EYS: variants seen among roughly 807,000 people sequenced by gnomAD.
EYS encodes EGF-like photoreceptor maintenance factor.
EYS carries 250 observed loss-of-function variants against 282.1 expected under a neutral mutation model. That is an observed-to-expected ratio of 0.89 (90% CI 0.80 to 0.98). The LOEUF (loss-of-function observed/expected upper bound fraction) is 0.98, where lower values mean the gene tolerates loss of function less well. EYS is among the 50% of genes least tolerant of loss of function. EYS has a pLI of 0.00. For synonymous variants in EYS, 1,355 were observed against 1,282.9 expected (o/e 1.06, Z -1.20); for missense variants, 4,016 against 3,709.0 (o/e 1.08, Z -2.15).
At chr6:64,225,900 A>T (rs1244839669) in intron 31 of EYS, among the ~76,000 whole-genome samples, 5 of 152,088 alleles carry the variant, frequency 3.3e-5, no homozygotes, top group African/African-American at 1.2e-4. Context: ...ATTCCCATTT[A>T]TTTTCAATTT....
chr6:64,829,983 C>T (rs911907681), intron 19 of EYS, among the ~76,000 whole-genome samples: 1 of 151,950 alleles, frequency 6.6e-6, no homozygotes, highest in African/African-American at 2.4e-5. Context: ...AAGAAACTAT[C>T]AGTCAAGGAA....
intron 26 of EYS, among the ~76,000 whole-genome samples, chr6:64,487,091 C>A (rs556226499): frequency 6.6e-6 from 1 of 151,134 alleles, no homozygotes; most frequent in African/African-American, 2.4e-5. Context: ...AACATTGGCT[C>A]ATTAAAAAAA....
intron 22 of EYS, among the ~76,000 whole-genome samples, chr6:64,809,166 G>A (rs898361749): frequency 1.3e-5 from 2 of 151,898 alleles, no homozygotes; most frequent in African/African-American, 4.8e-5. Context: ...GCTATATCTG[G>A]GTAACAACCA....
At chr6:64,460,064 C>T (rs573783281) in intron 26 of EYS, among the ~76,000 whole-genome samples, 2 of 152,130 alleles carry the variant, frequency 1.3e-5, no homozygotes, top group East Asian at 1.9e-4. Flanking sequence ...TGTTTCAATG[C>T]CAGGTCCCTA....
intron 33 of EYS, among the ~76,000 whole-genome samples, chr6:64,020,491 A>C (rs1485834535): frequency 7.2e-5 from 11 of 152,220 alleles, no homozygotes; most frequent in Admixed American, 7.2e-4. Flanking sequence ...AGTATAAGGT[A>C]GATTATGTTC....
chr6:65,573,493 T>G (rs1011330406), intron 2 of EYS, among the ~76,000 whole-genome samples: 5 of 152,138 alleles, frequency 3.3e-5, no homozygotes, highest in Admixed American at 2.0e-4. Flanking sequence ...AAGAATTGGC[T>G]GCTGTTCAGT....
At chr6:64,125,455 T>C (rs1180662798) in intron 31 of EYS, among the ~76,000 whole-genome samples, 3 of 151,442 alleles carry the variant, frequency 2.0e-5, no homozygotes, top group Non-Finnish European at 4.4e-5. Context: ...TTGTAAGGCA[T>C]GAAGGGAAGT....
chr6:65,424,395 T>A (rs1263692905), intron 5 of EYS, among the ~76,000 whole-genome samples: 5 of 152,070 alleles, frequency 3.3e-5, no homozygotes, highest in Non-Finnish European at 7.4e-5. Flanking sequence ...ATTTATCCTA[T>A]GTCCTTCACT....
intron 33 of EYS, among the ~76,000 whole-genome samples, chr6:64,033,505 T>A (rs1010098533): frequency 6.6e-6 from 1 of 152,146 alleles, no homozygotes; most frequent in Non-Finnish European, 1.5e-5. Flanking sequence ...AAGCACGCAA[T>A]AGTAACTATA....
intron 27 of EYS, among the ~76,000 whole-genome samples, chr6:64,437,809 A>G (rs974980489): frequency 5.3e-5 from 8 of 150,508 alleles, no homozygotes; most frequent in African/African-American, 1.9e-4. Flanking sequence ...TATACATATT[A>G]TATTACTTCA....
chr6:64,406,902 C>T (rs1773730867), intron 28 of EYS, among the ~76,000 whole-genome samples: 1 of 152,126 alleles, frequency 6.6e-6, no homozygotes, highest in Non-Finnish European at 1.5e-5. Context: ...GTGGCGATTC[C>T]TTAAGGATCT....
At chr6:64,142,010 G>C (rs1774352396) in intron 31 of EYS, among the ~76,000 whole-genome samples, 1 of 152,096 alleles carries the variant, frequency 6.6e-6, no homozygotes, top group Non-Finnish European at 1.5e-5. Flanking sequence ...GATTTGAGCT[G>C]GAAGTGTAAT....
At chr6:64,432,902 T>C (rs1444602165) in intron 28 of EYS, among the ~76,000 whole-genome samples, 1 of 152,110 alleles carries the variant, frequency 6.6e-6, no homozygotes. Context: ...CAGCTATAGT[T>C]AATTTCTCAC....
intron 31 of EYS, among the ~76,000 whole-genome samples, chr6:64,157,403 G>T (rs977730293): frequency 2.0e-5 from 3 of 152,298 alleles, no homozygotes; most frequent in East Asian, 1.9e-4. Flanking sequence ...TTTCTGAGGA[G>T]AAATTGAAGC....
At chr6:64,881,666 C>T (rs1226115581) in intron 19 of EYS, among the ~76,000 whole-genome samples, 6 of 151,690 alleles carry the variant, frequency 4.0e-5, no homozygotes, top group Non-Finnish European at 8.9e-5. Context: ...GGCACGTACA[C>T]ATTTGTGACA....
In EYS at chr6:64,917,852, T is replaced by C. The variant is rs1233248560; in HGVS notation, c.2382-5109A>G. On this transcript the variant is annotated intron_variant, in intron 15 of 42. Transcript: ENST00000503581. ...TTTTAAAAATTAGTTCATTATTTCCTGCAATCATTACATATTTGAAACACA... is the reference window on the plus strand; with the variant it reads ...TTTTAAAAATTAGTTCATTATTTCCCGCAATCATTACATATTTGAAACACA... 2.0e-5 allele frequency among the ~76,000 whole-genome samples: 3 copies of C among 152,192 alleles called. No individual in the cohort carries two copies. In the East Asian group the frequency reaches 5.8e-4, roughly 29 times the overall value.
chr6:64,832,187 C>T (rs1348696226), intron 19 of EYS, among the ~76,000 whole-genome samples: 1 of 151,940 alleles, frequency 6.6e-6, no homozygotes, highest in Non-Finnish European at 1.5e-5. Flanking sequence ...ATAAACTTCA[C>T]ACATTCATAC....
intron 41 of EYS, among the ~76,000 whole-genome samples, chr6:63,751,876 G>T (rs1356875738): frequency 6.6e-6 from 1 of 152,184 alleles, no homozygotes; most frequent in Non-Finnish European, 1.5e-5. Context: ...TTAGTTATTT[G>T]GGTGGCTATT....
intron 1 of EYS, among the ~76,000 whole-genome samples, chr6:65,690,348 C>T (rs187154692): frequency 6.7e-6 from 1 of 149,872 alleles, no homozygotes; most frequent in Non-Finnish European, 1.5e-5. Context: ...AGACCCGTGG[C>T]AAGATGAGGG....
Sources: allele counts gnomAD v4.1 joint callset (sites outside exome capture counted in the v4.1 genomes callset), GRCh38; gene constraint gnomAD v4.1.1; transcripts MANE v1.5; gene names NCBI Gene and HGNC (gene_info 2026-07-23, HGNC 2026-07-21).